Variants in PRKCE observed in about 807,000 individuals in gnomAD.
PRKCE encodes the protein protein kinase C epsilon.
PRKCE carries 16 observed loss-of-function variants against 85.4 expected under a neutral mutation model. The ratio of observed to expected loss-of-function variants is 0.19; its 90% CI spans 0.13 to 0.28. The LOEUF (loss-of-function observed/expected upper bound fraction) is 0.28. Ranked by LOEUF, PRKCE falls within the 10% of genes least tolerant of loss-of-function variation. The pLI is 1.00. For missense variants in PRKCE, 573 were observed against 975.2 expected (o/e 0.59, Z 5.49); for synonymous variants, 388 against 371.5 (o/e 1.04, Z -0.51).
intron 11 of PRKCE, among the ~76,000 whole-genome samples, chr2:46,110,127 G>A (rs1341816291): frequency 6.6e-6 from 1 of 152,108 alleles, no homozygotes; most frequent in Non-Finnish European, 1.5e-5. Flanking sequence ...CTATGATCAT[G>A]AGAGATATTG....
intron 10 of PRKCE, among the ~76,000 whole-genome samples, chr2:46,023,319 C>A (rs572751789): frequency 6.6e-6 from 1 of 152,158 alleles, no homozygotes; most frequent in African/African-American, 2.4e-5. Context: ...TCTGGGCACA[C>A]GTTGCCTGTA....
rs1045242406 is a variant in PRKCE at position 45,858,654 on chromosome 2, T to C, written c.412+15591T>C. On this transcript the variant is annotated intron_variant, in intron 2 of 14. Transcript: ENST00000306156. ...TTTTGTAAATATCTTAAATTTTGTA[T>C]TATTTTCTTGCATTTCTTTATGATT... is the stretch of plus-strand genomic sequence containing the variant. Among the ~76,000 whole-genome samples, 66 of 152,238 alleles carry C rather than the reference T, an allele frequency of 4.3e-4. 3 individuals are homozygous for C. The highest frequency in any genetic ancestry group is 8.8e-5 in the Non-Finnish European group (6 of 68,042).
chr2:45,687,971 C>T lies in PRKCE; in HGVS notation c.348+35523C>T, dbSNP rs1001287136. The stretch of plus-strand genomic sequence containing the variant: ...TTGTATGGGGTCCTCAGAGTTGGAG[C>T]GTTAGCACCCAGAAGATGTGCTCCT... On this transcript the variant is annotated intron_variant, in intron 1 of 14. Transcript: ENST00000306156. 4.6e-5 allele frequency among the ~76,000 whole-genome samples: 7 copies of T among 152,146 alleles called. No individual in the cohort carries two copies. The South Asian group carries it at 8.3e-4, about 18-fold the overall frequency.
At chr2:45,841,353 C>T (rs774749817) in intron 1 of PRKCE, among the ~76,000 whole-genome samples, 6 of 152,318 alleles carry the variant, frequency 3.9e-5, no homozygotes, top group Non-Finnish European at 4.4e-5. Context: ...CAGTATGTGG[C>T]TGAAGGCCCA....
In PRKCE at chr2:45,895,183, C is replaced by G. The variant is rs190858478; in HGVS notation, c.412+52120C>G. Among the ~76,000 whole-genome samples, 1 of 152,052 alleles carries G rather than the reference C, an allele frequency of 6.6e-6. No homozygotes were observed. The highest frequency in any genetic ancestry group is 1.5e-5 in the Non-Finnish European group (1 of 67,988). On this transcript the variant is annotated intron_variant, in intron 2 of 14. Transcript: ENST00000306156. The surrounding 1 kb of genome is among the most constrained non-coding windows in gnomAD (Gnocchi z 4.8). ...AGAAAGGAAGGAAGTTTTTTTCAGGCGGAGTGGGTTGGATGAGGCACATGT... is the reference window on the plus strand; with the variant it reads ...AGAAAGGAAGGAAGTTTTTTTCAGGGGGAGTGGGTTGGATGAGGCACATGT...
chr2:45,837,961 G>A (rs1691028026), intron 1 of PRKCE, among the ~76,000 whole-genome samples: 1 of 152,154 alleles, frequency 6.6e-6, no homozygotes. Context: ...CTTTGTAAAC[G>A]GCTGAGCACC....
At chr2:46,116,631 G>C (rs867525570) in intron 11 of PRKCE, among the ~76,000 whole-genome samples, 1 of 152,140 alleles carries the variant, frequency 6.6e-6, no homozygotes, top group Non-Finnish European at 1.5e-5. Context: ...GCCTTCATTT[G>C]CTTGTTAGCC....
intron 2 of PRKCE, among the ~76,000 whole-genome samples, chr2:45,858,610 T>G (rs569839186): frequency 2.1e-4 from 32 of 152,320 alleles, no homozygotes; most frequent in African/African-American, 7.7e-4. Flanking sequence ...TGCCATTTTT[T>G]CCCCCAATGG....
intron 10 of PRKCE, among the ~76,000 whole-genome samples, chr2:46,070,601 C>A (rs1667998459): frequency 6.6e-6 from 1 of 152,038 alleles, no homozygotes; most frequent in Non-Finnish European, 1.5e-5. Flanking sequence ...TGAGATCATG[C>A]CACTGCACTC....
intron 10 of PRKCE, among the ~76,000 whole-genome samples, chr2:46,067,174 A>C (rs2103686303): frequency 6.6e-6 from 1 of 152,354 alleles, no homozygotes; most frequent in South Asian, 2.1e-4. Context: ...TAATTGGCCA[A>C]GCAATGCATT....
At chr2:45,682,436 AT>A (rs111859989) in intron 1 of PRKCE, among the ~76,000 whole-genome samples, 5 of 151,458 alleles carry the variant, frequency 3.3e-5, no homozygotes, top group Admixed American at 1.3e-4. Context: ...TTATTTATTT[AT>A]TTTTTTTGAG....
chr2:46,057,830 C>A (rs1666737721), intron 10 of PRKCE, among the ~76,000 whole-genome samples: 1 of 152,144 alleles, frequency 6.6e-6, no homozygotes, highest in African/African-American at 2.4e-5. Context: ...CCACCTGTCT[C>A]CCTCACCAAG....
At chr2:46,031,938 G>A (rs1368169031) in intron 10 of PRKCE, among the ~76,000 whole-genome samples, 1 of 152,112 alleles carries the variant, frequency 6.6e-6, no homozygotes, top group East Asian at 1.9e-4. Context: ...TCATCTCACA[G>A]CCTCTTAGCA....
intron 10 of PRKCE, among the ~76,000 whole-genome samples, chr2:46,051,953 C>T (rs983562282): frequency 6.6e-6 from 1 of 152,154 alleles, no homozygotes; most frequent in Non-Finnish European, 1.5e-5. Flanking sequence ...AAGTCACTAT[C>T]ACAAGAACAG....
At chr2:45,968,293 A>G (rs930575895) in intron 2 of PRKCE, among the ~76,000 whole-genome samples, 1 of 152,244 alleles carries the variant, frequency 6.6e-6, no homozygotes, top group African/African-American at 2.4e-5. Context: ...CCGCCATAAT[A>G]AAGTATGAAA....
intron 10 of PRKCE, among the ~76,000 whole-genome samples, chr2:46,077,262 T>C (rs947439505): frequency 2.6e-5 from 4 of 151,990 alleles, no homozygotes; most frequent in African/African-American, 9.7e-5. Flanking sequence ...GATGGATGTG[T>C]TTATGGAATA....
chr2:45,956,222 T>G (rs1364959461), intron 2 of PRKCE, among the ~76,000 whole-genome samples: 1 of 152,228 alleles, frequency 6.6e-6, no homozygotes, highest in Non-Finnish European at 1.5e-5. Flanking sequence ...CTTTTCTCAA[T>G]TGAGAGATGT....
At chr2:45,948,316 C>G in intron 2 of PRKCE, among the ~76,000 whole-genome samples, 1 of 152,230 alleles carries the variant, frequency 6.6e-6, no homozygotes, top group East Asian at 1.9e-4. Flanking sequence ...TTAGTGACAA[C>G]CTAATAAACC....
chr2:46,096,292 T>C (rs995072660), intron 11 of PRKCE, among the ~76,000 whole-genome samples: 1 of 152,232 alleles, frequency 6.6e-6, no homozygotes, highest in Non-Finnish European at 1.5e-5. Context: ...TTTGCAGAAG[T>C]GCTGAGTGCA....
Sources: gnomAD v4.1 joint callset for allele counts (sites outside exome capture counted in the v4.1 genomes callset) on GRCh38, gnomAD v4.1.1 for gene constraint, Gnocchi (gnomAD v3.1) non-coding constraint, MANE v1.5 for transcripts, NCBI Gene and HGNC (gene_info 2026-07-23, HGNC 2026-07-21) for gene names.